The following LIMS2 variants were observed in gnomAD, a reference collection of about 807,000 sequenced individuals.
The protein encoded by LIMS2 is LIM and senescent cell antigen-like-containing domain protein 2.
Under a neutral mutation model 45.3 loss-of-function variants are expected in LIMS2, and 30 were observed. That is an observed-to-expected ratio of 0.66 (90% CI 0.50 to 0.90). LIMS2 has a LOEUF of 0.90. Among genes scored for constraint, LIMS2 ranks in the 40% least tolerant of loss-of-function variants. The pLI, the probability that LIMS2 is intolerant of heterozygous loss-of-function variation, is 0.00. For missense variants in LIMS2, 485 were observed against 468.7 expected (o/e 1.03, Z -0.32); for synonymous variants, 173 against 188.0 (o/e 0.92, Z 0.65).
At chr2:127,650,162 C>A in intron 4 of LIMS2, 1 of 1,264,284 alleles carries the variant, frequency 7.9e-7, no homozygotes, top group Admixed American at 2.0e-5. Context: ...CAGGGGCAAG[C>A]CATGGTCAGG....
chr2:127,659,695 C>A (rs1684487799), intron 1 of LIMS2, among the ~76,000 whole-genome samples: 1 of 152,244 alleles, frequency 6.6e-6, no homozygotes, highest in Admixed American at 6.5e-5. Flanking sequence ...TCCAAGGACC[C>A]AGAAAACGAA....
rs1210115986 is a variant in LIMS2 at position 127,664,085 on chromosome 2, C to T, written c.12-6523G>A. 6.6e-6 allele frequency among the ~76,000 whole-genome samples: 1 copy of T among 152,178 alleles called. No homozygotes were observed. The highest frequency in any genetic ancestry group is 2.4e-5 in the African/African-American group (1 of 41,432). On this transcript the variant is annotated intron_variant, in intron 1 of 9. Coordinates refer to ENST00000355119, the MANE Select transcript of LIMS2 (RefSeq NM_001161403.3). This position sits in a 1 kb window ranked among gnomAD's most constrained non-coding sequence, Gnocchi z 5.5. ...GGCTCCCTCGTCTCTAACATAGGTC[C>T]CTGGGCGCACCCTGCCAGGAGAGCT...
At position 127,654,383 on chromosome 2, in the gene LIMS2, G is replaced by A. The variant is rs779716322; in HGVS notation, c.359+41C>T. On this transcript the variant is annotated intron_variant, in intron 4 of 9. Transcript: ENST00000355119. Reference sequence around the variant, plus strand: ...AGAGGTGGCAGGTGTGCCAGGAAGGGCTGTGGCCCAGTCCTCTCTGGCCCA... The same window carrying A: ...AGAGGTGGCAGGTGTGCCAGGAAGGACTGTGGCCCAGTCCTCTCTGGCCCA... 8.6e-5 allele frequency: 139 copies of A among 1,612,982 alleles called. 1 individual carries two copies. In the South Asian group the frequency reaches 1.4e-3, roughly 17 times the overall value.
intron 1 of LIMS2, among the ~76,000 whole-genome samples, chr2:127,661,129 A>G (rs1028933262): frequency 6.6e-6 from 1 of 152,238 alleles, no homozygotes; most frequent in African/African-American, 2.4e-5. Flanking sequence ...CAGGGGAGGA[A>G]GAGAGGCAGT....
At chr2:127,677,122 G>A (rs1238752415), upstream of LIMS2, among the ~76,000 whole-genome samples, 1 of 152,228 alleles carries the variant, frequency 6.6e-6, no homozygotes, top group Non-Finnish European at 1.5e-5. This position sits in a 1 kb window ranked among gnomAD's most constrained non-coding sequence, Gnocchi z 5.0. Context: ...AGATGCAGAG[G>A]CTTCAAGGAG....
In LIMS2 at chr2:127,650,317, C is replaced by T. The variant is rs1377568080; in HGVS notation, c.359+4107G>A. On this transcript the variant is annotated intron_variant, in intron 4 of 9. Coordinates refer to ENST00000355119, the MANE Select transcript of LIMS2 (RefSeq NM_001161403.3). ...AATCCCGGAGACACACTGCCCCCGC[C>T]CCTCACCACCCCTGTCACTCAGACA... The T allele has an allele frequency of 1.8e-5, 10 of 564,814 alleles. No homozygotes were observed. The South Asian group carries it at 2.1e-4, about 12-fold the overall frequency. The allele number at this position is 564,814 out of a possible 1,614,324, so 35.0% of individuals were successfully genotyped here. A position where few individuals can be genotyped will look rare whatever the true frequency, so the allele number is the denominator to read the frequency against.
intron 4 of LIMS2, chr2:127,643,540 A>G: frequency 2.2e-6 from 1 of 456,696 alleles, no homozygotes; most frequent in Non-Finnish European, 4.4e-6. Flanking sequence ...CCAAACACGT[A>G]CAGGCGATTT....
In LIMS2 at chr2:127,642,386, C is replaced by T. The variant is rs1469998653; in HGVS notation, c.510-187G>A. 1 of 615,582 alleles carries T rather than the reference C, an allele frequency of 1.6e-6. No homozygotes were observed. Among genetic ancestry groups the T allele is most frequent in the Non-Finnish European group, 2.7e-6 (1 of 369,334 alleles). The allele number at this position is 615,582 out of a possible 1,614,324, so 38.1% of individuals were successfully genotyped here. A position where few individuals can be genotyped will look rare whatever the true frequency, so the allele number is the denominator to read the frequency against. On this transcript the variant is annotated intron_variant, in intron 5 of 9. Transcript: ENST00000355119. This position sits in a 1 kb window ranked among gnomAD's most constrained non-coding sequence, Gnocchi z 5.3. ...TGTGCCCCAGACAGGCCCTGGAGCA[C>T]AGACTTCCTGCACAGCCCAGAAGAG...
At chr2:127,665,922 CA>C (rs1186652618) in intron 1 of LIMS2, among the ~76,000 whole-genome samples, 1 of 152,184 alleles carries the variant, frequency 6.6e-6, no homozygotes, top group African/African-American at 2.4e-5. Flanking sequence ...AAATGAAGTT[CA>C]AGCACAAGTT....
chr2:127,638,495 G>A lies in LIMS2; in HGVS notation c.*786C>T, dbSNP rs139812638. On this transcript the variant is annotated 3_prime_UTR_variant, in exon 10 of 10. Transcript: ENST00000355119. ...AAACACCAGGTCTGCGCTGGCCGAA[G>A]ACGAAGCGTCCTCCCTGGAGGTGGG... The A allele has an allele frequency of 7.9e-5, 12 of 152,784 alleles. No individual in the cohort carries two copies. The highest frequency in any genetic ancestry group is 2.9e-4 in the African/African-American group (12 of 41,566). 9.5% of individuals were successfully genotyped at this position (152,784 alleles called of 1,614,324 possible).
rs1684000582 is a variant in LIMS2, at chr2:127,653,430, GCAGCTGAGGA to G, written c.359+984_359+993del. 6.6e-6 allele frequency among the ~76,000 whole-genome samples: 1 copy of G among 152,232 alleles called. No individual in the cohort carries two copies. Among genetic ancestry groups the G allele is most frequent in the Non-Finnish European group, 1.5e-5 (1 of 68,046 alleles). ...GACACCAAGTGGAGGTGACATGTGG[GCAGCTGAGGA>G]CAGCGAGAGAGAGGCCTGAAGTGGA... On this transcript the variant is annotated intron_variant, in intron 4 of 9. Coordinates refer to ENST00000355119, the MANE Select transcript of LIMS2 (RefSeq NM_001161403.3). This position sits in a 1 kb window ranked among gnomAD's most constrained non-coding sequence, Gnocchi z 5.3.
chr2:127,681,711 C>G (rs1387677262), exon 1 of LIMS2: 1 of 152,022 alleles, frequency 6.6e-6, no homozygotes, highest in Non-Finnish European at 1.5e-5. Context: ...CCAAAATGAG[C>G]ATTTCTCGAA....
At chr2:127,660,771 C>G (rs995293711) in intron 1 of LIMS2, among the ~76,000 whole-genome samples, 1 of 152,244 alleles carries the variant, frequency 6.6e-6, no homozygotes, top group Non-Finnish European at 1.5e-5. Context: ...TGACAGCAGC[C>G]TGGCCACACA....
upstream of LIMS2, among the ~76,000 whole-genome samples, chr2:127,675,533 G>C (rs933154169): frequency 6.6e-6 from 1 of 152,100 alleles, no homozygotes; most frequent in Non-Finnish European, 1.5e-5. Context: ...GCCACCTCCT[G>C]GATTCCGGGC....
intron 1 of LIMS2, among the ~76,000 whole-genome samples, chr2:127,660,312 A>C (rs1188044908): frequency 6.6e-6 from 1 of 152,202 alleles, no homozygotes; most frequent in Non-Finnish European, 1.5e-5. Flanking sequence ...CACAGCAGCA[A>C]CCAGTTGGGG....
intron 1 of LIMS2, chr2:127,681,272 A>G: frequency 6.5e-6 from 1 of 152,682 alleles, no homozygotes; most frequent in Non-Finnish European, 1.5e-5. Flanking sequence ...AGCGATTGGC[A>G]GGTGGAAAGG....
Position 127,673,582 on chromosome 2 carries a change from T to G in LIMS2, c.11+1432A>C, listed in dbSNP as rs555600405. On this transcript the variant is annotated intron_variant, in intron 1 of 9. Coordinates refer to ENST00000355119, the MANE Select transcript of LIMS2 (RefSeq NM_001161403.3). The stretch of plus-strand genomic sequence containing the variant: ...CAAGAGGACCCTTGCCAGGGAGCAG[T>G]GGCACCTCGGGGCCTCCCATTCCAG... The G allele has an allele frequency of 1.0e-5, 13 of 1,257,990 alleles. No homozygotes were observed. In the African/African-American group the frequency reaches 1.8e-4, roughly 17 times the overall value. The allele number at this position is 1,257,990 out of a possible 1,614,324, so 77.9% of individuals were successfully genotyped here.
At chr2:127,659,435 C>T (rs963123161) in intron 1 of LIMS2, among the ~76,000 whole-genome samples, 7 of 152,084 alleles carry the variant, frequency 4.6e-5, no homozygotes, top group African/African-American at 7.2e-5. Flanking sequence ...CTGGTCTCCA[C>T]GGGGCGAGCC....
In LIMS2 at chr2:127,639,400, G is replaced by A. The variant is rs780473244; in HGVS notation, c.907C>T (p.Pro303Ser). The A allele has an allele frequency of 1.4e-5, 23 of 1,613,850 alleles. No homozygotes were observed. Among genetic ancestry groups the A allele is most frequent in the Non-Finnish European group, 1.9e-5 (23 of 1,179,870 alleles). ...KNKFVEFDMK[P>S]VCKRCYEKFP... ...TTCTCGTAGCACCTCTTACACACGG[G>A]CTTCATGTCGAACTCCACAAACTTG... Residue 303 changes from proline to serine, a missense_variant, in exon 10 of 10, where the codon CCC (proline) becomes TCC (serine). By Grantham distance (74) the Pro-to-Ser change is moderately conservative. Coordinates refer to ENST00000355119, the MANE Select transcript of LIMS2 (RefSeq NM_001161403.3).
Sources: gnomAD v4.1 joint callset for allele counts (sites outside exome capture counted in the v4.1 genomes callset) on GRCh38, gnomAD v4.1.1 for gene constraint, Gnocchi (gnomAD v3.1) non-coding constraint, MANE v1.5 for transcripts, NCBI Gene and HGNC (gene_info 2026-07-23, HGNC 2026-07-21) for gene names.